The following EYS variants were observed in gnomAD, a reference collection of about 807,000 sequenced individuals.
EYS encodes EGF-like photoreceptor maintenance factor.
EYS carries 250 observed loss-of-function variants against 282.1 expected under a neutral mutation model. The ratio of observed to expected loss-of-function variants is 0.89; its 90% CI spans 0.80 to 0.98. The LOEUF (loss-of-function observed/expected upper bound fraction) is 0.98, where lower values mean the gene tolerates loss of function less well. Among genes scored for constraint, EYS ranks in the 50% least tolerant of loss-of-function variants. The pLI, the probability that EYS is intolerant of heterozygous loss-of-function variation, is 0.00. For missense variants in EYS, 4,016 were observed against 3,709.0 expected, an observed-to-expected ratio of 1.08 and a Z score of -2.15; for synonymous variants, 1,355 against 1,282.9, an observed-to-expected ratio of 1.06 and a Z score of -1.20.
At chr6:64,518,053 C>T (rs1011535886) in intron 26 of EYS, among the ~76,000 whole-genome samples, 2 of 151,752 alleles carry the variant, frequency 1.3e-5, no homozygotes, top group African/African-American at 4.8e-5. Flanking sequence ...ACAAGGCTGG[C>T]CTCATTTCAA....
chr6:64,859,606 T>G (rs1052933532), intron 19 of EYS, among the ~76,000 whole-genome samples: 8 of 152,156 alleles, frequency 5.3e-5, no homozygotes, highest in Non-Finnish European at 8.8e-5. Flanking sequence ...TTTCACAAGA[T>G]CTGATCATTT....
chr6:64,120,741 A>G (rs907028133), intron 31 of EYS, among the ~76,000 whole-genome samples: 18 of 152,146 alleles, frequency 1.2e-4, no homozygotes, highest in Non-Finnish European at 2.4e-4. Context: ...TTATTATTAT[A>G]TTTAGTTATA....
intron 15 of EYS, among the ~76,000 whole-genome samples, chr6:64,944,778 G>A (rs1391603912): frequency 6.6e-6 from 1 of 152,108 alleles, no homozygotes; most frequent in Non-Finnish European, 1.5e-5. Context: ...GTTCAATTCT[G>A]AGATCAGAGA....
intron 1 of EYS, among the ~76,000 whole-genome samples, chr6:65,663,266 T>C (rs2149826999): frequency 6.6e-6 from 1 of 152,284 alleles, no homozygotes; most frequent in African/African-American, 2.4e-5. Context: ...GAGAGTTCGA[T>C]ATGTTGCTCA....
chr6:64,581,527 A>G (rs185795698), intron 26 of EYS, among the ~76,000 whole-genome samples: 94 of 152,288 alleles, frequency 6.2e-4, no homozygotes, highest in Non-Finnish European at 1.0e-3. Flanking sequence ...ATTTTCAAAT[A>G]TTGGCATAAA....
intron 30 of EYS, among the ~76,000 whole-genome samples, chr6:64,274,674 A>G (rs1422059986): frequency 6.6e-6 from 1 of 151,964 alleles, no homozygotes; most frequent in African/African-American, 2.4e-5. Flanking sequence ...TGACCATTCT[A>G]TTTAAAGCCT....
intron 5 of EYS, among the ~76,000 whole-genome samples, chr6:65,443,492 C>T (rs1044293061): frequency 7.3e-5 from 11 of 151,536 alleles, no homozygotes; most frequent in African/African-American, 2.4e-4. Context: ...CACATATGCG[C>T]ATATACTTAT....
chr6:63,843,553 C>G (rs920447762), intron 36 of EYS, among the ~76,000 whole-genome samples: 9 of 152,138 alleles, frequency 5.9e-5, no homozygotes, highest in Non-Finnish European at 8.8e-5. Flanking sequence ...TTCCAACACT[C>G]CTTCATGCTA....
intron 31 of EYS, among the ~76,000 whole-genome samples, chr6:64,179,474 C>T (rs1007389875): frequency 6.6e-6 from 1 of 152,048 alleles, no homozygotes; most frequent in Non-Finnish European, 1.5e-5. Context: ...AAACCGTGAG[C>T]TTATTACTTC....
intron 5 of EYS, among the ~76,000 whole-genome samples, chr6:65,454,867 T>A (rs893631363): frequency 6.6e-6 from 1 of 152,114 alleles, no homozygotes; most frequent in Non-Finnish European, 1.5e-5. Flanking sequence ...GATTCATGTA[T>A]CTGTTTTTAT....
At chr6:64,669,724 TTTAG>T (rs1769376310) in intron 22 of EYS, among the ~76,000 whole-genome samples, 1 of 152,172 alleles carries the variant, frequency 6.6e-6, no homozygotes, top group Non-Finnish European at 1.5e-5. Flanking sequence ...TTTTCTTGAT[TTTAG>T]TTATTTTCAG....
intron 1 of EYS, among the ~76,000 whole-genome samples, chr6:65,654,167 T>G (rs921230531): frequency 6.6e-6 from 1 of 151,952 alleles, no homozygotes; most frequent in Non-Finnish European, 1.5e-5. Flanking sequence ...TTATTAGTTC[T>G]CAAAACAATT....
intron 11 of EYS, among the ~76,000 whole-genome samples, chr6:65,325,512 A>C (rs1157101721): frequency 6.6e-6 from 1 of 152,028 alleles, no homozygotes; most frequent in African/African-American, 2.4e-5. Flanking sequence ...GAGGATTTGA[A>C]CTTCTTGGAG....
chr6:65,041,271 G>A (rs1243663117), intron 13 of EYS, among the ~76,000 whole-genome samples: 5 of 151,678 alleles, frequency 3.3e-5, no homozygotes, highest in African/African-American at 7.3e-5. Flanking sequence ...CGTGGCTCAC[G>A]TTGCAGGTGA....
intron 2 of EYS, among the ~76,000 whole-genome samples, chr6:65,556,764 G>A (rs973385915): frequency 6.6e-6 from 1 of 151,802 alleles, no homozygotes; most frequent in Non-Finnish European, 1.5e-5. Context: ...ACTTAATTTT[G>A]CAACAATTCA....
intron 12 of EYS, among the ~76,000 whole-genome samples, chr6:65,192,079 C>T (rs1004282292): frequency 2.0e-5 from 3 of 151,480 alleles, no homozygotes; most frequent in African/African-American, 7.3e-5. Context: ...ATTCAACTGG[C>T]CATGATAAAT....
chr6:65,046,085 C>T lies in EYS; in HGVS notation c.2137+11529G>A, dbSNP rs201792360. 3.3e-5 allele frequency among the ~76,000 whole-genome samples: 5 copies of T among 151,842 alleles called. No individual in the cohort carries two copies. In the East Asian group the frequency reaches 5.8e-4, roughly 18 times the overall value. On this transcript the variant is annotated intron_variant, in intron 13 of 42. Transcript: ENST00000503581. Reference sequence around the variant, plus strand: ...GACTCAAGAGGTGGGATTACATTCCCCTGGTTATTCATTGACACAAAGAAC... The same window carrying T: ...GACTCAAGAGGTGGGATTACATTCCTCTGGTTATTCATTGACACAAAGAAC...
At chr6:64,832,248 G>A (rs975309612) in intron 19 of EYS, among the ~76,000 whole-genome samples, 1 of 151,692 alleles carries the variant, frequency 6.6e-6, no homozygotes, top group Admixed American at 6.6e-5. Context: ...AATACAATCA[G>A]GAAATTTTAT....
intron 40 of EYS, among the ~76,000 whole-genome samples, chr6:63,770,536 G>A (rs1769904646): frequency 6.6e-6 from 1 of 152,094 alleles, no homozygotes; most frequent in Non-Finnish European, 1.5e-5. Context: ...GCGATCACAC[G>A]ACCTAAAGGA....
Sources: gnomAD v4.1 joint callset for allele counts (sites outside exome capture counted in the v4.1 genomes callset) on GRCh38, gnomAD v4.1.1 for gene constraint, MANE v1.5 for transcripts, NCBI Gene and HGNC (gene_info 2026-07-23, HGNC 2026-07-21) for gene names.